Variants in ZNF254 observed in about 807,000 individuals in gnomAD.
ZNF254 encodes CTD-2017D11.1.
Under a neutral mutation model 12.4 loss-of-function variants are expected in ZNF254, and 10 were observed. The ratio of observed to expected loss-of-function variants is 0.80; its 90% CI spans 0.50 to 1.36. ZNF254 has a LOEUF of 1.36. Ranked by LOEUF, ZNF254 falls within the 40% of genes most tolerant of loss-of-function variation. The pLI, the probability that ZNF254 is intolerant of heterozygous loss-of-function variation, is 0.00. For missense variants in ZNF254, 996 were observed against 763.9 expected, an observed-to-expected ratio of 1.30 and a Z score of -3.58; for synonymous variants, 305 against 253.4, an observed-to-expected ratio of 1.20 and a Z score of -1.93.
intron 1 of ZNF254, among the ~76,000 whole-genome samples, chr19:24,045,471 C>G (rs56373210): frequency 6.6e-6 from 1 of 151,686 alleles, no homozygotes; most frequent in Non-Finnish European, 1.5e-5. Context: ...AGATCGAGAT[C>G]ATCCTGGCTA....
chr19:24,076,952 C>T (rs574380712), intron 2 of ZNF254, among the ~76,000 whole-genome samples: 3 of 152,196 alleles, frequency 2.0e-5, no homozygotes, highest in African/African-American at 7.2e-5. Context: ...AAGCTACATA[C>T]CTACCTCACA....
intron 3 of ZNF254, among the ~76,000 whole-genome samples, chr19:24,115,322 A>G (rs1472127539): frequency 2.0e-5 from 3 of 152,314 alleles, no homozygotes; most frequent in Non-Finnish European, 2.9e-5. Flanking sequence ...TGGCACATAT[A>G]CACCATGGAA....
At chr19:24,049,681 C>T (rs1264029444) in intron 2 of ZNF254, 2 of 152,094 alleles carry the variant, frequency 1.3e-5, no homozygotes, top group African/African-American at 2.4e-5. Context: ...TGTCATATCG[C>T]TGGGCCCCAC....
intron 1 of ZNF254, among the ~76,000 whole-genome samples, chr19:24,090,970 A>C (rs1271958019): frequency 9.7e-6 from 1 of 103,492 alleles, no homozygotes; most frequent in African/African-American, 4.0e-5. Context: ...TTTTTTTGAG[A>C]CAGAGTCTCA....
At chr19:24,093,803 T>G (rs745744218) in intron 1 of ZNF254, among the ~76,000 whole-genome samples, 29 of 152,208 alleles carry the variant, frequency 1.9e-4, no homozygotes, top group Admixed American at 1.3e-4. Context: ...ACAATAATTT[T>G]TTTTTTTAGT....
intron 2 of ZNF254, among the ~76,000 whole-genome samples, chr19:24,054,110 C>A (rs1824056049): frequency 6.6e-6 from 1 of 152,134 alleles, no homozygotes; most frequent in African/African-American, 2.4e-5. Context: ...CCTGTCTTGC[C>A]CCCAGGGAGC....
intron 1 of ZNF254, chr19:24,104,944 A>G (rs1973246131): frequency 6.6e-6 from 1 of 152,240 alleles, no homozygotes; most frequent in African/African-American, 2.4e-5. Flanking sequence ...TGCTATAGAA[A>G]GACTACTTAA....
intron 2 of ZNF254, among the ~76,000 whole-genome samples, chr19:24,062,308 C>A (rs948508270): frequency 1.3e-5 from 2 of 152,106 alleles, no homozygotes; most frequent in African/African-American, 2.4e-5. Flanking sequence ...TGAAAGAGCC[C>A]ACTGACTGAT....
At chr19:24,079,654 A>G (rs1971781078) in intron 2 of ZNF254, 1 of 152,220 alleles carries the variant, frequency 6.6e-6, no homozygotes, top group Admixed American at 6.5e-5. Context: ...GGATCTGTAC[A>G]TTTTGTTGTC....
intron 2 of ZNF254, among the ~76,000 whole-genome samples, chr19:24,073,362 T>C (rs1483816768): frequency 1.3e-5 from 2 of 152,150 alleles, no homozygotes; most frequent in African/African-American, 4.8e-5. Context: ...ACCCAGCCAT[T>C]TGGAGAGATG....
At chr19:24,099,682 A>G (rs1972896227) in intron 1 of ZNF254, among the ~76,000 whole-genome samples, 1 of 152,198 alleles carries the variant, frequency 6.6e-6, no homozygotes, top group Non-Finnish European at 1.5e-5. Flanking sequence ...TGGCCTCCCC[A>G]ATGACCAGGT....
At chr19:24,095,779 G>A (rs1972635365) in intron 1 of ZNF254, among the ~76,000 whole-genome samples, 2 of 151,858 alleles carry the variant, frequency 1.3e-5, no homozygotes, top group South Asian at 4.1e-4. Context: ...TATCTAGTTA[G>A]TGGTTTATTT....
At chr19:24,050,610 G>A (rs757336499) in intron 2 of ZNF254, among the ~76,000 whole-genome samples, 1 of 152,204 alleles carries the variant, frequency 6.6e-6, no homozygotes, top group Non-Finnish European at 1.5e-5. Flanking sequence ...CAGGTGATAT[G>A]ATTCTTCTGC....
chr19:24,086,039 C>G (rs934886597), upstream of ZNF254, among the ~76,000 whole-genome samples: 4 of 151,610 alleles, frequency 2.6e-5, no homozygotes, highest in Admixed American at 2.6e-4. Flanking sequence ...AACCCCGTCT[C>G]TACTAAAAAT....
At chr19:24,069,708 T>G (rs1210619899) in intron 2 of ZNF254, among the ~76,000 whole-genome samples, 9 of 151,458 alleles carry the variant, frequency 5.9e-5, no homozygotes. Context: ...ATCTCAGCAC[T>G]TTGGGAGGCC....
At chr19:24,043,840 ATCT>A (rs1288883072) in intron 1 of ZNF254, among the ~76,000 whole-genome samples, 14 of 152,168 alleles carry the variant, frequency 9.2e-5, no homozygotes, top group Admixed American at 2.6e-4. Flanking sequence ...GTTTATATCA[ATCT>A]TCTCAGTTAT....
rs1046074358 is a variant in ZNF254, at chr19:24,097,862, T to G, written c.31-8078T>G. On this transcript the variant is annotated intron_variant, in intron 1 of 3. Coordinates refer to ENST00000357002, the MANE Select transcript of ZNF254 (RefSeq NM_203282.4). ...AACAACAACAAAAAAAACAATTCAG[T>G]TTATAAACTGAACCAGTGGAGTCTG... 7.3e-5 allele frequency among the ~76,000 whole-genome samples: 11 copies of G among 151,022 alleles called. No homozygotes were observed. In the South Asian group the frequency reaches 2.1e-3, roughly 29 times the overall value.
intron 1 of ZNF254, among the ~76,000 whole-genome samples, chr19:24,094,807 C>A (rs1194676184): frequency 6.6e-6 from 1 of 152,118 alleles, no homozygotes; most frequent in African/African-American, 2.4e-5. Flanking sequence ...TTTGCTCAGC[C>A]TCTCAAGTAG....
chr19:24,106,416 T>A (rs1329190492), intron 2 of ZNF254, 132 bp from the exon 3 acceptor site: 1 of 660,098 alleles, frequency 1.5e-6, no homozygotes, highest in African/African-American at 1.9e-5. Context: ...TATTTAAAAA[T>A]TTCTGTTATA....
Sources: allele counts gnomAD v4.1 joint callset (sites outside exome capture counted in the v4.1 genomes callset), GRCh38; gene constraint gnomAD v4.1.1; transcripts MANE v1.5; gene names NCBI Gene and HGNC (gene_info 2026-07-23, HGNC 2026-07-21).